Variants in SLC1A7 observed in about 807,000 individuals in gnomAD.
SLC1A7 encodes excitatory amino acid transporter 5.
A neutral mutation model predicts 47.7 loss-of-function variants in SLC1A7; 40 were observed. The observed-to-expected ratio is 0.84, with a 90% CI of 0.65 to 1.09. The LOEUF is 1.09. Ranked by LOEUF, SLC1A7 falls within the 50% of genes least tolerant of loss-of-function variation. The pLI, the probability that SLC1A7 is intolerant of heterozygous loss-of-function variation, is 0.00. For missense variants in SLC1A7, 746 were observed against 769.5 expected (o/e 0.97, Z 0.36); for synonymous variants, 323 against 325.6 (o/e 0.99, Z 0.09).
At chr1:53,106,720 A>C (rs1292914956) in intron 3 of SLC1A7, among the ~76,000 whole-genome samples, 3 of 152,250 alleles carry the variant, frequency 2.0e-5, no homozygotes, top group East Asian at 1.9e-4. Flanking sequence ...TACTTGATAA[A>C]AGTTGTTTCA....
rs572554468 is a variant in SLC1A7 at position 53,130,839 on chromosome 1, A to T, written c.215+3511T>A. 2.0e-3 allele frequency among the ~76,000 whole-genome samples: 297 copies of T among 152,016 alleles called. 1 individual carries two copies. The highest frequency in any genetic ancestry group is 6.4e-3 in the South Asian group (31 of 4,812). On this transcript the variant is annotated intron_variant, in intron 2 of 10. Transcript: ENST00000371494. ...GAGTGGCTGTTCCTCAAAGGCAGGG[A>T]CACCCAGCCCTGGGCTGGCCAGGAG...
intron 2 of SLC1A7, among the ~76,000 whole-genome samples, chr1:53,126,847 T>C (rs1644887702): frequency 7.4e-6 from 1 of 134,944 alleles, no homozygotes; most frequent in African/African-American, 2.8e-5. Flanking sequence ...ATCCAAAATG[T>C]TTGTAATTTG....
rs1645069331 is a variant in SLC1A7, at chr1:53,142,530, G to A, written c.-81C>T. ...GCCGGGGGCACAGGGTCTGGGCTGA[G>A]GGCTCTAGCCCCTCAGCAGGCAGGT... On this transcript the variant is annotated 5_prime_UTR_variant, in exon 1 of 11. Coordinates refer to ENST00000371494, the MANE Select transcript of SLC1A7 (RefSeq NM_006671.6). The A allele has an allele frequency of 5.3e-6, 8 of 1,505,034 alleles. No homozygotes were observed. Among genetic ancestry groups the A allele is most frequent in the Admixed American group, 3.9e-5 (2 of 51,342 alleles). The allele number at this position is 1,505,034 out of a possible 1,614,324, so 93.2% of individuals were successfully genotyped here. A position where few individuals can be genotyped will look rare whatever the true frequency, so the allele number is the denominator to read the frequency against.
At chr1:53,096,038 C>T (rs980445588) in intron 5 of SLC1A7, among the ~76,000 whole-genome samples, 2 of 149,386 alleles carry the variant, frequency 1.3e-5, no homozygotes, top group Admixed American at 1.3e-4. Context: ...ACTCACACAA[C>T]TCGCCTCGGT....
rs759959814 is a variant in SLC1A7, at chr1:53,088,163, C to A, written c.1529G>T (p.Gly510Val). 1 of 1,613,582 alleles carries A rather than the reference C, an allele frequency of 6.2e-7. No homozygotes were observed. The highest frequency in any genetic ancestry group is 8.5e-7 in the Non-Finnish European group (1 of 1,179,758). Reference protein sequence around the residue: ...LQEIVAAQQNGCVKSVAEASE... With the variant: ...LQEIVAAQQNVCVKSVAEASE... ...GGCCTCGGCTACACTCTTCACACAG[C>A]CATTCTGCTGGGCTGCCACGATCTC... Residue 510 changes from glycine to valine, a missense_variant, in exon 11 of 11, where the codon GGC becomes GTC. Physicochemically the swap from Gly to Val is moderately radical, Grantham distance 109 (BLOSUM62 -3). Transcript: ENST00000371494.
intron 2 of SLC1A7, among the ~76,000 whole-genome samples, chr1:53,123,326 C>T (rs996700340): frequency 1.3e-5 from 2 of 152,334 alleles, no homozygotes; most frequent in East Asian, 1.9e-4. Context: ...GTCTGCCCCG[C>T]ACAGGGCTCA....
intron 2 of SLC1A7, among the ~76,000 whole-genome samples, chr1:53,118,949 G>A (rs1557683179): frequency 6.6e-6 from 1 of 152,134 alleles, no homozygotes; most frequent in Non-Finnish European, 1.5e-5. Flanking sequence ...GTGAGCTGAG[G>A]CCACGCCATT....
chr1:53,094,626 G>T (rs947706055), intron 5 of SLC1A7, among the ~76,000 whole-genome samples: 4 of 152,240 alleles, frequency 2.6e-5, no homozygotes, highest in African/African-American at 9.6e-5. Context: ...GGCCCTGCCA[G>T]GGTGGGTAGG....
chr1:53,112,311 G>C (rs1039049480), intron 3 of SLC1A7, among the ~76,000 whole-genome samples: 20 of 152,190 alleles, frequency 1.3e-4, no homozygotes, highest in African/African-American at 2.4e-5. Flanking sequence ...GAGTATAGCT[G>C]AATCATCTCA....
At position 53,088,904 on chromosome 1, in the gene SLC1A7, C is replaced by T. The variant is rs1390184024; in HGVS notation, c.1437G>A (p.Lys479=). The part of the protein sequence containing the change: ...AAGIMAHICR[K]DFARDTGTEK... ...CGGTGCCTGTGTCCCGGGCAAAATCCTTCCGACATATATGGGCCATGATCC... is the reference window on the plus strand; with the variant it reads ...CGGTGCCTGTGTCCCGGGCAAAATCTTTCCGACATATATGGGCCATGATCC... Residue 479 remains lysine (K), a synonymous_variant, in exon 10 of 11, where the codon AAG becomes AAA. Transcript: ENST00000371494. 6.2e-7 allele frequency: 1 copy of T among 1,614,118 alleles called. No individual in the cohort carries two copies.
rs1270728490 is a variant in SLC1A7 at position 53,095,020 on chromosome 1, C to T, written c.698-1460G>A. On this transcript the variant is annotated intron_variant, in intron 5 of 10. Coordinates refer to ENST00000371494, the MANE Select transcript of SLC1A7 (RefSeq NM_006671.6). The stretch of plus-strand genomic sequence containing the variant: ...ACGCGGGCAGACACTGGTATCTGCA[C>T]CAACAGGCACAGGCACCGGCAGATG... Among the ~76,000 whole-genome samples, 4 of 152,320 alleles carry T rather than the reference C, an allele frequency of 2.6e-5. No individual in the cohort carries two copies. In the South Asian group the frequency reaches 6.2e-4, roughly 24 times the overall value.
intron 2 of SLC1A7, among the ~76,000 whole-genome samples, chr1:53,123,847 A>G (rs1679973): frequency 0.99 from 151,007 of 152,352 alleles, 74,849 homozygotes; most frequent in Middle Eastern, 1. Flanking sequence ...GACTGGGCAG[A>G]AGGGCCAAAG....
intron 1 of SLC1A7, among the ~76,000 whole-genome samples, chr1:53,136,473 G>T (rs950003790): frequency 6.8e-6 from 1 of 147,172 alleles, no homozygotes; most frequent in Non-Finnish European, 1.5e-5. Flanking sequence ...GATTACAGGC[G>T]TGAGCCACCA....
Position 53,092,840 on chromosome 1 carries a change from G to A in SLC1A7, c.798-53C>T, listed in dbSNP as rs1025555546. 9.1e-6 allele frequency: 11 copies of A among 1,205,788 alleles called. 1 individual carries two copies. The South Asian group carries it at 9.8e-5, about 11-fold the overall frequency. 74.7% of individuals were successfully genotyped at this position (1,205,788 alleles called of 1,614,324 possible). A position where few individuals can be genotyped will look rare whatever the true frequency, so the allele number is the denominator to read the frequency against. On this transcript the variant is annotated intron_variant, in intron 6 of 10. Coordinates refer to ENST00000371494, the MANE Select transcript of SLC1A7 (RefSeq NM_006671.6). ...GGAACCAGGCAGGCAGACACACCCC[G>A]GCCCCAGCCCCGCATCGCTGCGCGG...
chr1:53,093,465 C>T lies in SLC1A7; in HGVS notation c.793G>A (p.Val265Met). 2 of 1,607,906 alleles carry T rather than the reference C, an allele frequency of 1.2e-6. No individual in the cohort carries two copies. The highest frequency in any genetic ancestry group is 1.7e-6 in the Non-Finnish European group (2 of 1,178,438). Residue 265 changes from valine (V) to methionine (M), a missense_variant, in exon 6 of 11, where the codon GTG (valine) becomes ATG (methionine). Physicochemically the swap from Val to Met is conservative, Grantham distance 21 (BLOSUM62 1). Transcript: ENST00000371494. ...TGGGTAAATGAGGAGGCTTACCACA[C>T]AGCCACCGCCACGATCTTCATGACC... ...ESVMKIVAVA[V>M]WYFPFGIVFL...
intron 2 of SLC1A7, chr1:53,115,881 GA>G (rs1456065541): frequency 6.6e-6 from 1 of 152,164 alleles, no homozygotes; most frequent in East Asian, 1.9e-4. Flanking sequence ...TGGAGCCCTG[GA>G]GCCCTGGAGC....
intron 8 of SLC1A7, 76 bp downstream of exon 8, chr1:53,090,533 CCCT>C (rs1362794948): frequency 6.9e-7 from 1 of 1,457,314 alleles, no homozygotes; most frequent in African/African-American, 1.4e-5. Context: ...CTTCAGATAC[CCCT>C]CAAGTCTGGG....
chr1:53,101,986 G>A (rs946151642), intron 5 of SLC1A7, among the ~76,000 whole-genome samples: 2 of 152,174 alleles, frequency 1.3e-5, no homozygotes, highest in African/African-American at 2.4e-5. Context: ...ACAGATGCAC[G>A]GACAGTTACA....
Position 53,100,488 on chromosome 1 carries a change from G to A in SLC1A7, c.697+2858C>T, listed in dbSNP as rs543750629. 4.3e-5 allele frequency among the ~76,000 whole-genome samples: 5 copies of A among 116,706 alleles called. No individual in the cohort carries two copies. The East Asian group carries it at 1.0e-3, about 24-fold the overall frequency. The allele number at this position is 116,706 out of a possible 152,430, so 76.6% of individuals were successfully genotyped here. A position where few individuals can be genotyped will look rare whatever the true frequency, so the allele number is the denominator to read the frequency against. On this transcript the variant is annotated intron_variant, in intron 5 of 10. Transcript: ENST00000371494. The stretch of plus-strand genomic sequence containing the variant: ...ACACTGCCTTGGTGCACTCACAAAC[G>A]CTGCCTCGGTACATTCACACACACC...
Sources: allele counts gnomAD v4.1 joint callset (sites outside exome capture counted in the v4.1 genomes callset), GRCh38; gene constraint gnomAD v4.1.1; transcripts MANE v1.5; gene names NCBI Gene and HGNC (gene_info 2026-07-23, HGNC 2026-07-21).